The following ARHGEF10 variants were observed in gnomAD, a reference collection of about 807,000 sequenced individuals.
The protein encoded by ARHGEF10 is Rho guanine nucleotide exchange factor 10.
ARHGEF10 carries 140 observed loss-of-function variants against 147.4 expected under a neutral mutation model. The observed-to-expected ratio is 0.95, with a 90% CI of 0.83 to 1.09. The LOEUF (loss-of-function observed/expected upper bound fraction) is 1.09. Ranked by LOEUF, ARHGEF10 falls within the 50% of genes least tolerant of loss-of-function variation. The probability of loss-of-function intolerance (pLI) is 0.00; values close to 1 mark genes in which losing one functional copy is unlikely to be tolerated. For synonymous variants in ARHGEF10, 902 were observed against 695.8 expected, an observed-to-expected ratio of 1.30 and a Z score of -4.67; for missense variants, 2,222 against 1,752.7, an observed-to-expected ratio of 1.27 and a Z score of -4.78.
At chr8:1,841,088 C>CGAG (rs1563160119) in intron 1 of ARHGEF10, among the ~76,000 whole-genome samples, 1 of 152,146 alleles carries the variant, frequency 6.6e-6, no homozygotes, top group East Asian at 1.9e-4. Flanking sequence ...TCTGGGTGCT[C>CGAG]GCATCAGCCA....
At chr8:1,847,439 A>G (rs764535525) in intron 2 of ARHGEF10, among the ~76,000 whole-genome samples, 11 of 152,216 alleles carry the variant, frequency 7.2e-5, no homozygotes, top group Non-Finnish European at 1.3e-4. Context: ...CAAAATTCCA[A>G]TGCAAATTAC....
chr8:1,892,277 CTGTGTGTGTGTGTGTGTG>C (rs66526026), intron 11 of ARHGEF10, among the ~76,000 whole-genome samples: 69 of 126,644 alleles, frequency 5.4e-4, no homozygotes, highest in Middle Eastern at 4.2e-3. Context: ...GCTTCTGGCT[CTGTGTGTGTGTGTGTGTG>C]TGTGTGTGTG....
chr8:1,911,311 A>C (rs894633559), intron 18 of ARHGEF10, among the ~76,000 whole-genome samples: 1 of 152,040 alleles, frequency 6.6e-6, no homozygotes, highest in Non-Finnish European at 1.5e-5. Context: ...TCACGTCTCT[A>C]TGGAAAAGCA....
chr8:1,932,364 T>C (rs4242548), intron 25 of ARHGEF10, among the ~76,000 whole-genome samples: 67,906 of 152,130 alleles, frequency 0.45, 15,883 homozygotes, highest in East Asian at 0.85. Context: ...GGCGTGTGTG[T>C]GCCTTGAGTG....
At chr8:1,923,165 G>T in intron 19 of ARHGEF10, 86 bp downstream of exon 19, 1 of 1,067,954 alleles carries the variant, frequency 9.4e-7, no homozygotes, top group Non-Finnish European at 1.4e-6. Context: ...AGTTCTACCA[G>T]AAGTGAGAAT....
Position 1,888,107 on chromosome 8 carries a change from G to A in ARHGEF10, c.1182+2400G>A, listed in dbSNP as rs1318012957. Among the ~76,000 whole-genome samples, 7 of 119,898 alleles carry A rather than the reference G, an allele frequency of 5.8e-5. 1 individual carries two copies. Among genetic ancestry groups the A allele is most frequent in the Admixed American group, 5.2e-4 (7 of 13,334 alleles). 78.7% of individuals were successfully genotyped at this position (119,898 alleles called of 152,430 possible). A position where few individuals can be genotyped will look rare whatever the true frequency, so the allele number is the denominator to read the frequency against. On this transcript the variant is annotated intron_variant, in intron 11 of 28. Transcript: ENST00000349830. ...ACACTAGGTAGGGTGAATGTTTTGA[G>A]GAGACACTTAGTGGGGTGAGGGTTT...
chr8:1,836,998 C>T (rs952317253), intron 1 of ARHGEF10, among the ~76,000 whole-genome samples: 4 of 152,216 alleles, frequency 2.6e-5, no homozygotes, highest in African/African-American at 9.6e-5. Flanking sequence ...ACTATAAGTC[C>T]AATTAAAGCT....
intron 1 of ARHGEF10, among the ~76,000 whole-genome samples, chr8:1,827,167 C>A (rs1473437691): frequency 6.6e-6 from 1 of 152,224 alleles, no homozygotes; most frequent in Non-Finnish European, 1.5e-5. Context: ...TGCCCTGCCA[C>A]CAGCCCCCAC....
At chr8:1,866,130 G>A (rs892128744) in intron 5 of ARHGEF10, among the ~76,000 whole-genome samples, 2 of 152,288 alleles carry the variant, frequency 1.3e-5, no homozygotes, top group Non-Finnish European at 2.9e-5. Flanking sequence ...CCTGCTCCTG[G>A]ACATGGAGAC....
chr8:1,924,735 G>A (rs1812556809), intron 21 of ARHGEF10, among the ~76,000 whole-genome samples: 1 of 152,160 alleles, frequency 6.6e-6, no homozygotes, highest in South Asian at 2.1e-4. Flanking sequence ...ACAAGGAAGT[G>A]GCCACTCTCT....
intron 18 of ARHGEF10, among the ~76,000 whole-genome samples, chr8:1,918,856 ATGTGGATGATGGAGCTGCTT>A (rs1563283567): frequency 2.3e-4 from 31 of 134,554 alleles, no homozygotes; most frequent in African/African-American, 8.5e-4. Context: ...TAGAGCTGTT[ATGTGGATGATGGAGCTGCTT>A]TGTGGGTGAT....
At chr8:1,836,601 G>A (rs532894114) in intron 1 of ARHGEF10, among the ~76,000 whole-genome samples, 5 of 152,284 alleles carry the variant, frequency 3.3e-5, no homozygotes, top group Admixed American at 1.3e-4. Context: ...ACAGCAGGTC[G>A]GAGTTGGGGG....
intron 1 of ARHGEF10, among the ~76,000 whole-genome samples, chr8:1,833,256 A>ACAGAGG (rs1412980495): frequency 6.7e-6 from 1 of 150,178 alleles, no homozygotes; most frequent in Non-Finnish European, 1.5e-5. Context: ...AGAGGCCGAG[A>ACAGAGG]CAGAGGCAGA....
intron 14 of ARHGEF10, among the ~76,000 whole-genome samples, chr8:1,898,095 C>T (rs570881326): frequency 3.3e-5 from 5 of 152,258 alleles, no homozygotes; most frequent in East Asian, 1.9e-4. Context: ...CCCATGGCAC[C>T]GGAAGAGGTT....
At chr8:1,952,666 A>G in intron 27 of ARHGEF10, 39 bp from the exon 28 acceptor site, 1 of 1,612,028 alleles carries the variant, frequency 6.2e-7, no homozygotes, top group Non-Finnish European at 8.5e-7. Flanking sequence ...ACTCTGCTAC[A>G]CAAACCAGAC....
chr8:1,951,631 CT>C (rs1167941499), intron 27 of ARHGEF10, among the ~76,000 whole-genome samples: 2 of 152,172 alleles, frequency 1.3e-5, no homozygotes, highest in Admixed American at 6.5e-5. Flanking sequence ...TTTAAAATAG[CT>C]TTTATATCTA....
At chr8:1,885,473 G>A in intron 10 of ARHGEF10, 128 bp from the exon 11 acceptor site, 1 of 677,228 alleles carries the variant, frequency 1.5e-6, no homozygotes, top group South Asian at 1.7e-5. Flanking sequence ...TAATAGCTGG[G>A]TGTCAAGTAA....
chr8:1,913,160 A>AT (rs1811504411), intron 18 of ARHGEF10, among the ~76,000 whole-genome samples: 1 of 152,056 alleles, frequency 6.6e-6, no homozygotes, highest in Admixed American at 6.6e-5. Context: ...GGTGGCGCAT[A>AT]GCCCCACCTT....
chr8:1,874,140 G>A (rs1016810457), intron 7 of ARHGEF10, among the ~76,000 whole-genome samples: 1 of 152,228 alleles, frequency 6.6e-6, no homozygotes, highest in Non-Finnish European at 1.5e-5. Flanking sequence ...GCATTCAAGA[G>A]GAAGTGAGTA....
Sources: gnomAD v4.1 joint callset for allele counts (sites outside exome capture counted in the v4.1 genomes callset) on GRCh38, gnomAD v4.1.1 for gene constraint, MANE v1.5 for transcripts, NCBI Gene and HGNC (gene_info 2026-07-23, HGNC 2026-07-21) for gene names.